Variants in JAK1 observed in about 807,000 individuals in gnomAD.
JAK1 encodes the protein tyrosine-protein kinase JAK1.
In JAK1, 16 loss-of-function variants were observed where a neutral mutation model predicts 136.6. The ratio of observed to expected loss-of-function variants is 0.12; its 90% CI spans 0.08 to 0.18. The LOEUF is 0.18. JAK1 is among the 10% of genes least tolerant of loss of function. The probability of loss-of-function intolerance (pLI) is 1.00; values close to 1 mark genes in which losing one functional copy is unlikely to be tolerated. For missense variants in JAK1, 859 were observed against 1,450.1 expected (o/e 0.59, Z 6.62); for synonymous variants, 492 against 519.5 (o/e 0.95, Z 0.72).
chr1:64,835,591 T>G, intron 23 of JAK1, 85 bp from the exon 24 acceptor site: 1 of 821,084 alleles, frequency 1.2e-6, no homozygotes, highest in Non-Finnish European at 2.0e-6. Flanking sequence ...ATTTCTACAA[T>G]CAACTGGAAA....
chr1:64,895,980 G>A (rs1017948614), intron 1 of JAK1, among the ~76,000 whole-genome samples: 1 of 152,354 alleles, frequency 6.6e-6, no homozygotes, highest in East Asian at 1.9e-4. Flanking sequence ...AGAGTTCAGT[G>A]CATGCCTGTC....
rs958042395 is a variant in JAK1, at chr1:64,854,045, G to A, written c.1648+1464C>T. Among the ~76,000 whole-genome samples, 48 of 152,154 alleles carry A rather than the reference G, an allele frequency of 3.2e-4. 1 individual carries two copies. Among genetic ancestry groups the A allele is most frequent in the Admixed American group, 3.0e-3 (46 of 15,264 alleles). On this transcript the variant is annotated intron_variant, in intron 11 of 24. Coordinates refer to ENST00000342505, the MANE Select transcript of JAK1 (RefSeq NM_002227.4). Reference sequence around the variant, plus strand: ...GTGGCAGATGTGTTTTTACCTTTGCGGAAAATCCTCAAGCATGAAAACAAA... The same window carrying A: ...GTGGCAGATGTGTTTTTACCTTTGCAGAAAATCCTCAAGCATGAAAACAAA...
At chr1:65,050,980 G>C (rs1473395363) in intron 1 of JAK1, among the ~76,000 whole-genome samples, 1 of 152,014 alleles carries the variant, frequency 6.6e-6, no homozygotes, top group Non-Finnish European at 1.5e-5. Flanking sequence ...GTACACAGGC[G>C]CTCAACAAAT....
rs375979659 is a variant in JAK1, at chr1:64,841,313, G to T, written c.2581C>A (p.Pro861Thr). Residue 861 changes from proline (P) to threonine (T), a missense_variant, in exon 19 of 25, where the codon CCA (proline) becomes ACA (threonine). Around this residue, in one of 4 missense-constraint regions of JAK1, gnomAD observed 409 missense variants for 753.8 expected, o/e 0.54. Transcript: ENST00000342505. ...TGTGTGGGGTCCACTTCAGTTGCTG[G>T]TTTTTTTTCTGAAACAATATCTGGA... Reference protein sequence around the residue: ...QNPDIVSEKKPATEVDPTHFE... With the variant: ...QNPDIVSEKKTATEVDPTHFE... The T allele has an allele frequency of 4.3e-6, 7 of 1,613,404 alleles. No homozygotes were observed. In the African/African-American group the frequency reaches 6.7e-5, roughly 15 times the overall value.
intron 14 of JAK1, 45 bp from the exon 15 acceptor site, chr1:64,845,685 C>T (rs745717674): frequency 4.8e-5 from 78 of 1,612,048 alleles, no homozygotes; most frequent in Admixed American, 8.3e-5. Context: ...GTCTGTGGCA[C>T]GGTCCTCTCC....
intron 1 of JAK1, among the ~76,000 whole-genome samples, chr1:64,957,625 A>G (rs984643353): frequency 6.6e-6 from 1 of 151,288 alleles, no homozygotes; most frequent in African/African-American, 2.4e-5. Context: ...CCTGGCTAAC[A>G]CGGTGAAACC....
intron 5 of JAK1, among the ~76,000 whole-genome samples, chr1:64,872,289 T>G (rs892929687): frequency 6.6e-6 from 1 of 152,240 alleles, no homozygotes; most frequent in Admixed American, 6.5e-5. Flanking sequence ...GGCCAAAAGG[T>G]CAGTAGTGCT....
chr1:64,834,810 C>T (rs997730780), intron 24 of JAK1, among the ~76,000 whole-genome samples, 153 bp from the exon 25 acceptor site: 2 of 152,162 alleles, frequency 1.3e-5, no homozygotes, highest in Non-Finnish European at 2.9e-5. Flanking sequence ...GTTTAAAACA[C>T]AGAAAATGGG....
At chr1:65,029,958 TAA>T (rs35368364) in intron 2 of JAK1, among the ~76,000 whole-genome samples, 13,486 of 145,872 alleles carry the variant, frequency 0.092, 781 homozygotes, top group Admixed American at 0.17. Context: ...GTTAAAAAGT[TAA>T]AAAAAAAAAA....
At chr1:64,869,566 G>T in intron 5 of JAK1, 92 bp from the exon 6 acceptor site, 1 of 944,814 alleles carries the variant, frequency 1.1e-6, no homozygotes, top group Middle Eastern at 3.2e-4. Context: ...TAGAAACGCA[G>T]CACAGCAACG....
At chr1:64,948,566 T>C (rs926192774) in intron 1 of JAK1, among the ~76,000 whole-genome samples, 1 of 152,250 alleles carries the variant, frequency 6.6e-6, no homozygotes, top group Non-Finnish European at 1.5e-5. Flanking sequence ...ACACAAGGAA[T>C]ACTATCCATG....
At chr1:64,957,470 T>C (rs556284238) in intron 1 of JAK1, among the ~76,000 whole-genome samples, 2 of 152,356 alleles carry the variant, frequency 1.3e-5, no homozygotes, top group Admixed American at 1.3e-4. Flanking sequence ...GAAATCCTCC[T>C]CATTCTCTTG....
At chr1:64,998,495 A>G (rs1296651541) in intron 2 of JAK1, among the ~76,000 whole-genome samples, 2 of 152,224 alleles carry the variant, frequency 1.3e-5, no homozygotes, top group Non-Finnish European at 2.9e-5. Context: ...TTGTTTTCCT[A>G]TTACAACAGG....
At chr1:64,997,160 G>A (rs554171503) in intron 2 of JAK1, among the ~76,000 whole-genome samples, 5 of 152,114 alleles carry the variant, frequency 3.3e-5, no homozygotes, top group South Asian at 4.1e-4. Context: ...TGAAGGTAAC[G>A]TCAATCTATG....
At chr1:65,025,458 A>G (rs1005785217) in intron 2 of JAK1, among the ~76,000 whole-genome samples, 1 of 152,172 alleles carries the variant, frequency 6.6e-6, no homozygotes, top group Non-Finnish European at 1.5e-5. Flanking sequence ...ATTTTTATCT[A>G]AGCAACTAAG....
chr1:64,968,387 T>C (rs1646417965), upstream of JAK1, among the ~76,000 whole-genome samples: 1 of 151,972 alleles, frequency 6.6e-6, no homozygotes, highest in Admixed American at 6.6e-5. Flanking sequence ...GGTCCTGTAA[T>C]GGTGATCACA....
At chr1:64,999,294 C>G (rs946423129) in intron 2 of JAK1, among the ~76,000 whole-genome samples, 21 of 152,198 alleles carry the variant, frequency 1.4e-4, no homozygotes, top group Non-Finnish European at 1.9e-4. Context: ...AGTGCAAGCA[C>G]ATAAGATAAC....
At chr1:64,958,826 C>G (rs983696237) in intron 1 of JAK1, among the ~76,000 whole-genome samples, 2 of 152,220 alleles carry the variant, frequency 1.3e-5, no homozygotes, top group Non-Finnish European at 2.9e-5. Flanking sequence ...AAACTGTTGT[C>G]AGTTCTAATA....
At chr1:65,059,896 G>T (rs1263711490) in intron 1 of JAK1, among the ~76,000 whole-genome samples, 1 of 152,084 alleles carries the variant, frequency 6.6e-6, no homozygotes, top group Non-Finnish European at 1.5e-5. Flanking sequence ...CAATTCTTTA[G>T]ATCAGCAGAA....
Sources: gnomAD v4.1 joint callset for allele counts (sites outside exome capture counted in the v4.1 genomes callset) on GRCh38, gnomAD v4.1.1 for gene constraint, gnomAD v4.1.1 regional missense constraint, MANE v1.5 for transcripts, NCBI Gene and HGNC (gene_info 2026-07-23, HGNC 2026-07-21) for gene names.